GHR: variants seen among roughly 807,000 people sequenced by gnomAD.
GHR encodes growth hormone receptor.
A neutral mutation model predicts 67.1 loss-of-function variants in GHR; 35 were observed. The observed-to-expected ratio is 0.52, with a 90% CI of 0.40 to 0.69. The LOEUF (loss-of-function observed/expected upper bound fraction) is 0.69. Ranked by LOEUF, GHR falls within the 30% of genes least tolerant of loss-of-function variation. The pLI is 0.00. For synonymous variants in GHR, 272 were observed against 269.1 expected (o/e 1.01, Z -0.10); for missense variants, 792 against 764.6 (o/e 1.04, Z -0.42).
chr5:42,598,827 T>C (rs1752216327), intron 2 of GHR, among the ~76,000 whole-genome samples: 1 of 152,154 alleles, frequency 6.6e-6, no homozygotes, highest in African/African-American at 2.4e-5. Flanking sequence ...GGATTGCAAA[T>C]TTGGAATACA....
At chr5:42,575,890 T>C (rs1750635753) in intron 2 of GHR, among the ~76,000 whole-genome samples, 1 of 149,624 alleles carries the variant, frequency 6.7e-6, no homozygotes, top group Admixed American at 6.6e-5. Context: ...AAAAATTAGC[T>C]GGGCAGGGTG....
chr5:42,478,782 G>A (rs1388247946), intron 1 of GHR, among the ~76,000 whole-genome samples: 2 of 152,120 alleles, frequency 1.3e-5, no homozygotes, highest in Non-Finnish European at 2.9e-5. Context: ...AGGAGATTTT[G>A]GGCTGAGATG....
chr5:42,630,560 T>C (rs1334742635), intron 3 of GHR, among the ~76,000 whole-genome samples: 1 of 131,890 alleles, frequency 7.6e-6, no homozygotes, highest in African/African-American at 3.2e-5. Flanking sequence ...CAATTGTCAG[T>C]TGTGCCAGAC....
intron 1 of GHR, among the ~76,000 whole-genome samples, chr5:42,478,619 T>A (rs374200826): frequency 2.0e-5 from 3 of 152,102 alleles, no homozygotes; most frequent in African/African-American, 7.2e-5. Context: ...AAGTTGGATT[T>A]CTAGGTATTT....
chr5:42,652,350 T>C (rs1245872596), intron 3 of GHR, among the ~76,000 whole-genome samples: 1 of 152,106 alleles, frequency 6.6e-6, no homozygotes, highest in Non-Finnish European at 1.5e-5. Flanking sequence ...AGATAGATGC[T>C]TAATTTGAAA....
intron 2 of GHR, among the ~76,000 whole-genome samples, chr5:42,567,912 C>G (rs967997836): frequency 6.6e-6 from 1 of 151,888 alleles, no homozygotes; most frequent in Non-Finnish European, 1.5e-5. Context: ...ATTTATGGAC[C>G]ATGTGTTTGT....
At chr5:42,671,319 A>T (rs2112902697) in intron 3 of GHR, among the ~76,000 whole-genome samples, 1 of 152,190 alleles carries the variant, frequency 6.6e-6, no homozygotes, top group Non-Finnish European at 1.5e-5. Flanking sequence ...GGGAGGTGCC[A>T]CACACTTAAA....
At chr5:42,609,231 G>A (rs1752771645) in intron 2 of GHR, among the ~76,000 whole-genome samples, 1 of 152,136 alleles carries the variant, frequency 6.6e-6, no homozygotes, top group South Asian at 2.1e-4. Context: ...TATTACTAGT[G>A]CCATCATGGG....
rs539422783 is a variant in GHR at position 42,610,516 on chromosome 5, G to A, written c.71-18522G>A. On this transcript the variant is annotated intron_variant, in intron 2 of 9. Transcript: ENST00000230882. ...CAGGGTTTGGCTGCCATGTTAGCCT[G>A]GATTTTCTGAGATGCATCCCTGCAA... Among the ~76,000 whole-genome samples the A allele has an allele frequency of 6.6e-5, 10 of 152,228 alleles. No homozygotes were observed. In the South Asian group the frequency reaches 2.1e-3, roughly 32 times the overall value.
chr5:42,542,783 C>T (rs577214152), intron 1 of GHR, among the ~76,000 whole-genome samples: 1 of 152,112 alleles, frequency 6.6e-6, no homozygotes, highest in South Asian at 2.1e-4. Context: ...TATCCCTCAG[C>T]CACCCCTACC....
intron 1 of GHR, among the ~76,000 whole-genome samples, chr5:42,430,638 ATGTG>A (rs1055517571): frequency 1.4e-4 from 12 of 84,376 alleles, no homozygotes; most frequent in African/African-American, 5.3e-4. Flanking sequence ...GTGTGTGTGT[ATGTG>A]TGTGTTTCTT....
intron 2 of GHR, among the ~76,000 whole-genome samples, chr5:42,576,091 A>AAAT (rs1255811973): frequency 0.03 from 2,554 of 86,276 alleles, 63 homozygotes; most frequent in South Asian, 0.04. Flanking sequence ...AAATAAAATA[A>AAAT]AATAAAATAA....
chr5:42,662,385 C>A (rs1159132848), intron 3 of GHR, among the ~76,000 whole-genome samples: 1 of 152,106 alleles, frequency 6.6e-6, no homozygotes, highest in African/African-American at 2.4e-5. Flanking sequence ...TGGAAAAAAA[C>A]AGAAATTATA....
intron 2 of GHR, among the ~76,000 whole-genome samples, chr5:42,626,370 C>G (rs1445000933): frequency 1.3e-5 from 2 of 152,174 alleles, no homozygotes; most frequent in Admixed American, 6.5e-5. Flanking sequence ...TTTGAGACAG[C>G]TTGCTTACAT....
At chr5:42,452,736 A>G (rs1744103869) in intron 1 of GHR, among the ~76,000 whole-genome samples, 1 of 152,090 alleles carries the variant, frequency 6.6e-6, no homozygotes, top group Non-Finnish European at 1.5e-5. Context: ...TTTCATTTCC[A>G]GAAGTTGTGG....
intron 1 of GHR, among the ~76,000 whole-genome samples, chr5:42,524,024 A>C (rs1747591054): frequency 6.6e-6 from 1 of 152,180 alleles, no homozygotes; most frequent in Admixed American, 6.5e-5. Flanking sequence ...TTTTGTTCCC[A>C]GTTTCTGGTA....
chr5:42,510,475 A>G (rs1746963752), intron 1 of GHR, among the ~76,000 whole-genome samples: 1 of 152,170 alleles, frequency 6.6e-6, no homozygotes, highest in African/African-American at 2.4e-5. Flanking sequence ...CTATAACGCT[A>G]TTTATGTGTT....
intron 1 of GHR, chr5:42,466,824 G>C (rs1579752116): frequency 8.7e-7 from 1 of 1,150,014 alleles, no homozygotes; most frequent in African/African-American, 1.5e-5. Context: ...ACAGCAAAGA[G>C]GTGTCTCATT....
rs115403756 is a variant in GHR at position 42,441,372 on chromosome 5, C to T, written c.-12+17417C>T. ...AATGAGTTTGTTGTAGTGATGGGGG[C>T]AGAAGCCAGAATGAAGTGTCATGGG... On this transcript the variant is annotated intron_variant, in intron 1 of 9. Coordinates refer to ENST00000230882, the MANE Select transcript of GHR (RefSeq NM_000163.5). Among the ~76,000 whole-genome samples the T allele has an allele frequency of 9.2e-3, 1,392 of 152,118 alleles. 20 individuals are homozygous for T. Among genetic ancestry groups the T allele is most frequent in the African/African-American group, 0.032 (1,314 of 41,492 alleles).
Sources: gnomAD v4.1 joint callset for allele counts (sites outside exome capture counted in the v4.1 genomes callset) on GRCh38, gnomAD v4.1.1 for gene constraint, MANE v1.5 for transcripts, NCBI Gene and HGNC (gene_info 2026-07-23, HGNC 2026-07-21) for gene names.